CREB1: variants seen among roughly 807,000 people sequenced by gnomAD.
CREB1 encodes the protein cyclic AMP-responsive element-binding protein 1.
Under a neutral mutation model 42.0 loss-of-function variants are expected in CREB1, and 2 were observed. That is an observed-to-expected ratio of 0.05 (90% CI 0.02 to 0.15). The LOEUF (loss-of-function observed/expected upper bound fraction) is 0.15. Ranked by LOEUF, CREB1 falls within the 10% of genes least tolerant of loss-of-function variation. CREB1 has a pLI of 1.00. For synonymous variants in CREB1, 123 were observed against 139.9 expected (o/e 0.88, Z 0.85); for missense variants, 199 against 388.9 (o/e 0.51, Z 4.11).
At chr2:207,592,468 T>C (rs1182313871) in intron 7 of CREB1, among the ~76,000 whole-genome samples, 4 of 151,966 alleles carry the variant, frequency 2.6e-5, no homozygotes, top group Admixed American at 2.6e-4. Flanking sequence ...AAGAAATCTG[T>C]GTGTATATAA....
At position 207,602,095 on chromosome 2, in the gene CREB1, C is replaced by T. The variant is rs2087159927; in HGVS notation, c.*5037C>T. On this transcript the variant is annotated 3_prime_UTR_variant, in exon 8 of 8. Coordinates refer to ENST00000353267, the MANE Select transcript of CREB1 (RefSeq NM_004379.5). ...CTGTCTCATCTGCTTATGATAAGTT[C>T]TTATTGATTAGTGAATGTAGCTTAA... 4.9e-6 allele frequency: 1 copy of T among 205,078 alleles called. No individual in the cohort carries two copies. The highest frequency in any genetic ancestry group is 2.3e-5 in the African/African-American group (1 of 43,712). The allele number at this position is 205,078 out of a possible 1,614,324, so 12.7% of individuals were successfully genotyped here.
At chr2:207,577,689 G>A (rs1205091153) in intron 7 of CREB1, 34 bp downstream of exon 7, 1 of 1,609,068 alleles carries the variant, frequency 6.2e-7, no homozygotes, top group Non-Finnish European at 8.5e-7. Flanking sequence ...ATTGTTATGT[G>A]TTAAGTGTGT....
Position 207,603,209 on chromosome 2 carries a change from ATG to A in CREB1, c.*6153_*6154del, listed in dbSNP as rs2087407561. The A allele has an allele frequency of 4.6e-6, 1 of 216,712 alleles. No homozygotes were observed. The highest frequency in any genetic ancestry group is 2.2e-5 in the African/African-American group (1 of 44,488). 13.4% of individuals were successfully genotyped at this position (216,712 alleles called of 1,614,324 possible). On this transcript the variant is annotated 3_prime_UTR_variant, in exon 8 of 8. Coordinates refer to ENST00000353267, the MANE Select transcript of CREB1 (RefSeq NM_004379.5). ...TTGTGCTTTATGTGTAAAGAAAAAA[ATG>A]TACTGAGTTACAATGCATTTTATTA...
intron 7 of CREB1, among the ~76,000 whole-genome samples, chr2:207,584,472 C>T (rs1479875001): frequency 2.0e-5 from 3 of 152,132 alleles, no homozygotes; most frequent in Non-Finnish European, 2.9e-5. Flanking sequence ...GGCACCATGT[C>T]GGCTCACTGT....
intron 2 of CREB1, 29 bp downstream of exon 2, chr2:207,555,778 T>C (rs1330697988): frequency 7.0e-7 from 1 of 1,420,090 alleles, no homozygotes; most frequent in African/African-American, 1.4e-5. Flanking sequence ...GATTCCAGTT[T>C]GTGTCTCTTC....
chr2:207,559,302 AC>A, intron 2 of CREB1: 6 of 980,336 alleles, frequency 6.1e-6, no homozygotes, highest in Non-Finnish European at 7.3e-6. Context: ...TTTTAAATTC[AC>A]ATTCTTCCCT....
intron 5 of CREB1, among the ~76,000 whole-genome samples, chr2:207,571,312 A>G (rs2082355058): frequency 6.6e-6 from 1 of 152,064 alleles, no homozygotes; most frequent in African/African-American, 2.4e-5. Context: ...CAGGAGTTTA[A>G]GACCCCATCC....
intron 1 of CREB1, chr2:207,534,667 GGATCACCTTTGGT>G (rs1447756392): frequency 6.6e-6 from 1 of 152,174 alleles, no homozygotes; most frequent in African/African-American, 2.4e-5. Flanking sequence ...AAGGAAAAAG[GGATCACCTTTGGT>G]GAAGTGAGGA....
rs1179820596 is a variant in CREB1 at position 207,603,852 on chromosome 2, TAAA to T, written c.*6798_*6800del. Among the ~76,000 whole-genome samples the T allele has an allele frequency of 6.6e-6, 1 of 152,172 alleles. No individual in the cohort carries two copies. Among genetic ancestry groups the T allele is most frequent in the African/African-American group, 2.4e-5 (1 of 41,426 alleles). On this transcript the variant is annotated 3_prime_UTR_variant, in exon 8 of 8. Coordinates refer to ENST00000353267, the MANE Select transcript of CREB1 (RefSeq NM_004379.5). The stretch of plus-strand genomic sequence containing the variant: ...TTAATCTTTGCTTAAGCTGTAAGAA[TAAA>T]AAAGTTATCTCCTATACTATTAACT...
At chr2:207,578,861 G>T (rs1387303890) in intron 7 of CREB1, among the ~76,000 whole-genome samples, 1 of 151,976 alleles carries the variant, frequency 6.6e-6, no homozygotes. Flanking sequence ...TGCAATCTCA[G>T]CTCACTGCAG....
chr2:207,570,130 A>G (rs1232725432), intron 4 of CREB1, 49 bp from the exon 5 acceptor site: 9 of 1,400,850 alleles, frequency 6.4e-6, no homozygotes, highest in East Asian at 2.5e-5. Flanking sequence ...GTATTTAGCC[A>G]GTAAATTGTA....
At chr2:207,565,334 C>T (rs1280018106) in intron 3 of CREB1, among the ~76,000 whole-genome samples, 1 of 152,140 alleles carries the variant, frequency 6.6e-6, no homozygotes, top group Non-Finnish European at 1.5e-5. Context: ...TCATGGCTTA[C>T]TTCTCTTCAG....
At chr2:207,589,629 T>C (rs1171087065) in intron 7 of CREB1, among the ~76,000 whole-genome samples, 2 of 152,324 alleles carry the variant, frequency 1.3e-5, no homozygotes, top group South Asian at 4.1e-4. Flanking sequence ...TTTTAAAAAC[T>C]CTCTTTGATT....
chr2:207,533,422 A>G (rs201274773), intron 1 of CREB1, among the ~76,000 whole-genome samples: 3 of 152,222 alleles, frequency 2.0e-5, no homozygotes, highest in East Asian at 3.8e-4. Flanking sequence ...ATGGGGTTAT[A>G]GTAAAACCAA....
chr2:207,572,919 A>G lies in CREB1; in HGVS notation c.506-2353A>G, dbSNP rs572936058. Among the ~76,000 whole-genome samples, 12 of 151,946 alleles carry G rather than the reference A, an allele frequency of 7.9e-5. No individual in the cohort carries two copies. The South Asian group carries it at 1.9e-3, about 24-fold the overall frequency. On this transcript the variant is annotated intron_variant, in intron 5 of 7. Coordinates refer to ENST00000353267, the MANE Select transcript of CREB1 (RefSeq NM_004379.5). The stretch of plus-strand genomic sequence containing the variant: ...ACTCCTTCCTTAAATTGGTTATTTT[A>G]TTAAATTCATGCTGTTACTAGATTT...
chr2:207,553,416 A>C (rs928572076), intron 1 of CREB1, among the ~76,000 whole-genome samples: 7 of 152,114 alleles, frequency 4.6e-5, no homozygotes, highest in Admixed American at 2.6e-4. Context: ...TGTCTTTCTT[A>C]TTTTGAGTTT....
intron 1 of CREB1, among the ~76,000 whole-genome samples, chr2:207,539,035 A>G (rs1296451015): frequency 7.6e-6 from 1 of 131,036 alleles, no homozygotes; most frequent in Non-Finnish European, 1.6e-5. Flanking sequence ...ATTCTGAATT[A>G]TTTGTACTCT....
intron 1 of CREB1, among the ~76,000 whole-genome samples, chr2:207,554,335 G>A (rs1195165154): frequency 1.3e-5 from 2 of 152,182 alleles, no homozygotes; most frequent in Non-Finnish European, 2.9e-5. Flanking sequence ...GTGATGGAGT[G>A]TAATGATCAC....
chr2:207,552,132 C>T (rs1480355319), intron 1 of CREB1, among the ~76,000 whole-genome samples: 2 of 145,748 alleles, frequency 1.4e-5, no homozygotes, highest in Non-Finnish European at 3.0e-5. Context: ...GATAATAAAA[C>T]ACCAGTTGTT....
Sources: allele counts gnomAD v4.1 joint callset (sites outside exome capture counted in the v4.1 genomes callset), GRCh38; gene constraint gnomAD v4.1.1; transcripts MANE v1.5; gene names NCBI Gene and HGNC (gene_info 2026-07-23, HGNC 2026-07-21).